The following SCN3B variants were observed in gnomAD, a reference collection of about 807,000 sequenced individuals.
SCN3B encodes sodium voltage-gated channel beta subunit 3.
A neutral mutation model predicts 25.4 loss-of-function variants in SCN3B; 11 were observed. The observed-to-expected ratio is 0.43, with a 90% confidence interval of 0.27 to 0.72. SCN3B has a LOEUF of 0.72. Ranked by LOEUF, SCN3B falls within the 30% of genes least tolerant of loss-of-function variation. SCN3B has a pLI of 0.18. For synonymous variants in SCN3B, 109 were observed against 110.7 expected (o/e 0.99, Z 0.09); for missense variants, 218 against 278.3 (o/e 0.78, Z 1.54).
intron 3 of SCN3B, among the ~76,000 whole-genome samples, chr11:123,643,551 C>G (rs917089992): frequency 7.2e-5 from 11 of 152,252 alleles, no homozygotes; most frequent in African/African-American, 2.7e-4. Flanking sequence ...TTCAATTATT[C>G]ATAGCCACAT....
chr11:123,643,174 C>A (rs1955811267), intron 3 of SCN3B, among the ~76,000 whole-genome samples: 1 of 152,310 alleles, frequency 6.6e-6, no homozygotes, highest in Admixed American at 6.5e-5. Context: ...GGCTTTAAAA[C>A]TGGACTCTCT....
In SCN3B at chr11:123,631,086, CT is replaced by C. The variant is rs1955666339; in HGVS notation, c.*2712del. 6.6e-6 allele frequency: 1 copy of C among 152,020 alleles called. No homozygotes were observed. The highest frequency in any genetic ancestry group is 1.9e-4 in the East Asian group (1 of 5,196). 9.4% of individuals were successfully genotyped at this position (152,020 alleles called of 1,614,324 possible). A position where few individuals can be genotyped will look rare whatever the true frequency, so the allele number is the denominator to read the frequency against. ...AAAATACTTCGTAAACCATATAGTT[CT>C]AATGAAAGTGTCAAGAATGAGAAGA... On this transcript the variant is annotated 3_prime_UTR_variant, in exon 7 of 7. Coordinates refer to ENST00000299333, the MANE Select transcript of SCN3B (RefSeq NM_001040151.2).
rs1057524334 is a variant in SCN3B at position 123,633,791 on chromosome 11, A to T, written c.*23-15T>A. On this transcript the variant is annotated splice_polypyrimidine_tract_variant and intron_variant, in intron 6 of 6. Coordinates refer to ENST00000299333, the MANE Select transcript of SCN3B (RefSeq NM_001040151.2). ...GTTCAGGCCACCTACCAAAGATAAA[A>T]TAACTCACTGAGAATTTCCCACCCA... The T allele has an allele frequency of 2.9e-6, 1 of 347,894 alleles. No individual in the cohort carries two copies. The highest frequency in any genetic ancestry group is 3.8e-5 in the Admixed American group (1 of 26,078). The allele number at this position is 347,894 out of a possible 1,614,324, so 21.6% of individuals were successfully genotyped here. A position where few individuals can be genotyped will look rare whatever the true frequency, so the allele number is the denominator to read the frequency against.
chr11:123,646,825 T>A (rs538793523), intron 2 of SCN3B, among the ~76,000 whole-genome samples: 1 of 152,308 alleles, frequency 6.6e-6, no homozygotes, highest in East Asian at 1.9e-4. Flanking sequence ...CTCGGCACTG[T>A]TTTTGGAACA....
chr11:123,649,561 TC>T (rs1955895949), intron 2 of SCN3B, among the ~76,000 whole-genome samples: 1 of 152,254 alleles, frequency 6.6e-6, no homozygotes, highest in Non-Finnish European at 1.5e-5. Context: ...TGTTTCTCCA[TC>T]CTTTGAGTCT....
rs183929236 is a variant in SCN3B, at chr11:123,646,223, A to C, written c.56-473T>G. Among the ~76,000 whole-genome samples, 34 of 152,342 alleles carry C rather than the reference A, an allele frequency of 2.2e-4. No individual in the cohort carries two copies. In the South Asian group the frequency reaches 6.8e-3, roughly 31 times the overall value. On this transcript the variant is annotated intron_variant, in intron 2 of 6. Coordinates refer to ENST00000299333, the MANE Select transcript of SCN3B (RefSeq NM_001040151.2). ...AAATGCATTTATAATCCAATAGGGA[A>C]CACATATTCCTAACTAGGATTAAAC...
chr11:123,653,159 AAAG>A (rs773136203), intron 2 of SCN3B, among the ~76,000 whole-genome samples: 172 of 152,194 alleles, frequency 1.1e-3, no homozygotes, highest in Non-Finnish European at 1.7e-3. Flanking sequence ...ACCAAAAAAA[AAAG>A]AAGAAGAAGA....
Position 123,633,683 on chromosome 11 carries a change from C to A in SCN3B, c.*116G>T. ...GAATGAATGAACAGAACAATGGATG[C>A]ATGAAGGGAAGCGATGGGGCCCTTG... is the stretch of plus-strand genomic sequence containing the variant. On this transcript the variant is annotated 3_prime_UTR_variant, in exon 7 of 7. Transcript: ENST00000299333. The A allele has an allele frequency of 3.6e-6, 1 of 274,384 alleles. No individual in the cohort carries two copies. The highest frequency in any genetic ancestry group is 7.2e-6 in the Non-Finnish European group (1 of 139,716). The allele number at this position is 274,384 out of a possible 1,614,324, so 17.0% of individuals were successfully genotyped here.
At chr11:123,647,364 G>A (rs928896913) in intron 2 of SCN3B, among the ~76,000 whole-genome samples, 23 of 152,088 alleles carry the variant, frequency 1.5e-4, no homozygotes, top group Non-Finnish European at 3.1e-4. Flanking sequence ...CACAACTGTA[G>A]TCCCAACCAC....
At chr11:123,638,832 G>T in intron 4 of SCN3B, 1 of 200,336 alleles carries the variant, frequency 5.0e-6, no homozygotes, top group East Asian at 1.2e-4. Flanking sequence ...TGGTATTCCT[G>T]GGGAGAGAGC....
chr11:123,644,788 AGAGAGAG>A (rs1955828587), intron 3 of SCN3B, among the ~76,000 whole-genome samples: 1 of 104,870 alleles, frequency 9.5e-6, no homozygotes, highest in African/African-American at 3.5e-5. Flanking sequence ...AGAGAGAGAG[AGAGAGAG>A]AGAGAATATA....
At position 123,642,426 on chromosome 11, in the gene SCN3B, A is replaced by C. The variant is rs1474765620; in HGVS notation, c.445+20T>G. 6.2e-6 allele frequency: 10 copies of C among 1,611,856 alleles called. No homozygotes were observed. The highest frequency in any genetic ancestry group is 8.5e-6 in the Non-Finnish European group (10 of 1,178,430). Reference sequence around the variant, plus strand: ...CCACAGAGAGCAGGACGCCCTAGAGACCCTGTGCCTCAGCCTCACCCTCCT... The same window carrying C: ...CCACAGAGAGCAGGACGCCCTAGAGCCCCTGTGCCTCAGCCTCACCCTCCT... On this transcript the variant is annotated intron_variant, in intron 4 of 6. Transcript: ENST00000299333. The surrounding 1 kb of genome is among the most constrained non-coding windows in gnomAD (Gnocchi z 4.3).
At position 123,638,196 on chromosome 11, in the gene SCN3B, G is replaced by A; in HGVS notation, c.574C>T (p.Gln192Ter). 1.2e-6 allele frequency: 2 copies of A among 1,614,016 alleles called. No individual in the cohort carries two copies. The highest frequency in any genetic ancestry group is 1.7e-6 in the Non-Finnish European group (2 of 1,180,020). Reference sequence around the variant, plus strand: ...CATCTCTGGACTTACGCGTTTTCTTGGGCTGCCTCTTCGGCTTTTGAGACC... The same window carrying A: ...CATCTCTGGACTTACGCGTTTTCTTAGGCTGCCTCTTCGGCTTTTGAGACC... ...RKVSKAEEAA[Q>*]ENASDYLAIP... Residue 192 changes from glutamine to a stop codon, truncating the protein, a stop_gained, in exon 5 of 7, where the codon CAA becomes TAA. Transcript: ENST00000299333. LOFTEE classifies it high-confidence loss of function.
At chr11:123,645,370 A>G (rs1481402481) in intron 3 of SCN3B, among the ~76,000 whole-genome samples, 1 of 152,168 alleles carries the variant, frequency 6.6e-6, no homozygotes, top group Non-Finnish European at 1.5e-5. Flanking sequence ...TGCTTCCTCC[A>G]GCCCATAATC....
intron 3 of SCN3B, among the ~76,000 whole-genome samples, chr11:123,644,766 T>TGAGAGAGAGAGAGAGA (rs371690210): frequency 2.5e-4 from 24 of 94,682 alleles, no homozygotes; most frequent in African/African-American, 8.6e-4. Flanking sequence ...GAGACCCCGT[T>TGAGAGAGAGAGAGAGA]GAGAGAGAGA....
intron 5 of SCN3B, among the ~76,000 whole-genome samples, chr11:123,637,223 G>A (rs1412915319): frequency 1.3e-5 from 2 of 152,154 alleles, no homozygotes; most frequent in East Asian, 1.9e-4. Flanking sequence ...GGTACAGGCT[G>A]GACTTTAGAG....
rs542407474 is a variant in SCN3B at position 123,631,400 on chromosome 11, T to C, written c.*2399A>G. 2 of 152,368 alleles carry C rather than the reference T, an allele frequency of 1.3e-5. No individual in the cohort carries two copies. The highest frequency in any genetic ancestry group is 3.9e-4 in the East Asian group (2 of 5,190). 9.4% of individuals were successfully genotyped at this position (152,368 alleles called of 1,614,324 possible). A position where few individuals can be genotyped will look rare whatever the true frequency, so the allele number is the denominator to read the frequency against. On this transcript the variant is annotated 3_prime_UTR_variant, in exon 7 of 7. Coordinates refer to ENST00000299333, the MANE Select transcript of SCN3B (RefSeq NM_001040151.2). ...AATTTCACACTGAGGCCAATTTTTC[T>C]AACTATAAAGTTAAAAAGGTCTATA...
chr11:123,641,147 G>A (rs1955785170), intron 4 of SCN3B: 1 of 152,380 alleles, frequency 6.6e-6, no homozygotes, highest in Non-Finnish European at 1.5e-5. Flanking sequence ...AGGGCGCCAG[G>A]GCCCCACCCC....
At chr11:123,650,148 C>A (rs1468122356) in intron 2 of SCN3B, among the ~76,000 whole-genome samples, 1 of 152,074 alleles carries the variant, frequency 6.6e-6, no homozygotes, top group Non-Finnish European at 1.5e-5. Context: ...TTCTTCTCTT[C>A]AATTCCCATA....
Sources: gnomAD v4.1 joint callset for allele counts (sites outside exome capture counted in the v4.1 genomes callset) on GRCh38, gnomAD v4.1.1 for gene constraint, Gnocchi (gnomAD v3.1) non-coding constraint, MANE v1.5 for transcripts, NCBI Gene and HGNC (gene_info 2026-07-23, HGNC 2026-07-21) for gene names.